GNAO1: variants seen among roughly 807,000 people sequenced by gnomAD.
GNAO1 encodes the protein G protein subunit alpha o1.
For missense variants in GNAO1, 166 were observed against 478.7 expected (o/e 0.35, Z 6.10); for synonymous variants, 164 against 180.7 (o/e 0.91, Z 0.74).
chr16:56,255,038 A>T (rs1168732878), intron 2 of GNAO1, among the ~76,000 whole-genome samples: 2 of 152,304 alleles, frequency 1.3e-5, no homozygotes, highest in East Asian at 3.9e-4. Flanking sequence ...GAGACCTTGG[A>T]ACACTTTTCC....
At chr16:56,259,952 C>T (rs2036887908) in intron 2 of GNAO1, among the ~76,000 whole-genome samples, 1 of 152,208 alleles carries the variant, frequency 6.6e-6, no homozygotes, top group Admixed American at 6.5e-5. Flanking sequence ...AGTCTGAGGG[C>T]TGTCCATAAA....
At chr16:56,228,140 G>A (rs986672903) in intron 2 of GNAO1, among the ~76,000 whole-genome samples, 27 of 152,282 alleles carry the variant, frequency 1.8e-4, no homozygotes, top group Non-Finnish European at 2.6e-4. Context: ...GCACTTTGCA[G>A]AGCCGAAAAG....
At chr16:56,306,970 A>G (rs549644615) in intron 3 of GNAO1, 4 of 152,504 alleles carry the variant, frequency 2.6e-5, no homozygotes, top group African/African-American at 9.6e-5. Flanking sequence ...TGAGGAGATC[A>G]GTGGAGCCGC....
intron 3 of GNAO1, among the ~76,000 whole-genome samples, chr16:56,280,695 T>C (rs1013052726): frequency 3.3e-5 from 5 of 151,452 alleles, no homozygotes; most frequent in African/African-American, 1.2e-4. Flanking sequence ...GGCAGTAGAG[T>C]GATGCGTAGC....
chr16:56,347,632 CT>C (rs11297695), intron 6 of GNAO1: 318,366 of 985,112 alleles, frequency 0.32, 52,676 homozygotes, highest in African/African-American at 0.5. Flanking sequence ...GGGGCTCCCC[CT>C]GGAACAGAAG....
intron 2 of GNAO1, among the ~76,000 whole-genome samples, chr16:56,202,740 G>C (rs534233100): frequency 6.6e-6 from 1 of 152,330 alleles, no homozygotes; most frequent in Admixed American, 6.5e-5. Flanking sequence ...TGTGAAGTGA[G>C]AAGAATTAAA....
At chr16:56,239,024 T>C (rs1234029918) in intron 2 of GNAO1, among the ~76,000 whole-genome samples, 7 of 152,236 alleles carry the variant, frequency 4.6e-5, no homozygotes, top group Non-Finnish European at 8.8e-5. Flanking sequence ...TGCAGACATC[T>C]CTGTAAATCT....
intron 3 of GNAO1, chr16:56,307,785 C>T (rs2037412466): frequency 1.3e-5 from 2 of 152,392 alleles, no homozygotes; most frequent in Admixed American, 6.5e-5. Flanking sequence ...CTCACTCTCT[C>T]TCAGCAGAGG....
chr16:56,258,633 G>A (rs1447069125), intron 2 of GNAO1, among the ~76,000 whole-genome samples: 1 of 152,250 alleles, frequency 6.6e-6, no homozygotes, highest in East Asian at 1.9e-4. Flanking sequence ...CTGTTCCCCA[G>A]CAGCTTCCCT....
chr16:56,217,006 G>C (rs1223923251), intron 2 of GNAO1, among the ~76,000 whole-genome samples: 2 of 152,206 alleles, frequency 1.3e-5, no homozygotes, highest in African/African-American at 4.8e-5. Flanking sequence ...TAATATTGCT[G>C]GGAGCAAGGG....
At chr16:56,345,285 G>T in intron 6 of GNAO1, 8 of 985,482 alleles carry the variant, frequency 8.1e-6, no homozygotes, top group Non-Finnish European at 8.4e-6. Flanking sequence ...TGTGCCTGGG[G>T]ACCTAGATGT....
rs200121980 is a variant in GNAO1, at chr16:56,208,444, TGTGTGC to T, written c.161+15830_161+15835del. On this transcript the variant is annotated intron_variant, in intron 2 of 8. Coordinates refer to ENST00000262493, the MANE Select transcript of GNAO1 (RefSeq NM_020988.3). Reference sequence around the variant, plus strand: ...ATGTGTGTGTGTGTGTGTGTGTGTGTGTGTGCGCGCGCGCGCACGTGTGTGTGTGTG... The same window carrying T: ...ATGTGTGTGTGTGTGTGTGTGTGTGTGCGCGCGCGCACGTGTGTGTGTGTG... Among the ~76,000 whole-genome samples the T allele has an allele frequency of 0.01, 1,103 of 106,852 alleles. 19 individuals are homozygous for T. In the East Asian group the frequency reaches 0.13, roughly 12 times the overall value. The allele number at this position is 106,852 out of a possible 152,430, so 70.1% of individuals were successfully genotyped here.
chr16:56,244,308 G>T (rs1334373760), intron 2 of GNAO1, among the ~76,000 whole-genome samples: 1 of 152,006 alleles, frequency 6.6e-6, no homozygotes, highest in Non-Finnish European at 1.5e-5. Context: ...GGATAAAAGA[G>T]GGCCCCATCC....
intron 3 of GNAO1, among the ~76,000 whole-genome samples, chr16:56,277,436 C>T (rs1596837219): frequency 6.6e-6 from 1 of 152,140 alleles, no homozygotes; most frequent in Admixed American, 6.5e-5. Flanking sequence ...GGAATGAGCA[C>T]AGCAGGGAAT....
rs1426381661 is a variant in GNAO1, at chr16:56,326,432, G to A, written c.304-2199G>A. 6.6e-6 allele frequency among the ~76,000 whole-genome samples: 1 copy of A among 152,250 alleles called. No homozygotes were observed. The highest frequency in any genetic ancestry group is 1.5e-5 in the Non-Finnish European group (1 of 68,040). On this transcript the variant is annotated intron_variant, in intron 3 of 8. Transcript: ENST00000262493. The surrounding 1 kb of genome is among the most constrained non-coding windows in gnomAD (Gnocchi z 4.8). ...TGCTGTCCTCAAGACAGCTTCTAGA[G>A]GTTTAGGTTCCTTTAGAAGCTTATC... is the stretch of plus-strand genomic sequence containing the variant.
At chr16:56,261,373 G>A (rs546337797) in intron 2 of GNAO1, among the ~76,000 whole-genome samples, 107 of 152,342 alleles carry the variant, frequency 7.0e-4, no homozygotes, top group African/African-American at 2.4e-3. Context: ...TCAAAGGCAC[G>A]TGTGCCAAGC....
chr16:56,293,731 T>C (rs970285490), intron 3 of GNAO1, among the ~76,000 whole-genome samples: 1 of 152,210 alleles, frequency 6.6e-6, no homozygotes, highest in Non-Finnish European at 1.5e-5. Flanking sequence ...GAGGCTAATT[T>C]CAGAGCTGTC....
At chr16:56,349,992 G>A (rs748553147) in intron 6 of GNAO1, among the ~76,000 whole-genome samples, 12 of 152,206 alleles carry the variant, frequency 7.9e-5, no homozygotes, top group East Asian at 3.8e-4. Context: ...CTGTGTCACC[G>A]CGGTGTCCCC....
At chr16:56,195,604 C>T (rs1329899978) in intron 2 of GNAO1, among the ~76,000 whole-genome samples, 1 of 152,174 alleles carries the variant, frequency 6.6e-6, no homozygotes, top group Non-Finnish European at 1.5e-5. Flanking sequence ...ACCTATCAGG[C>T]CATATGTACA....
Sources: gnomAD v4.1 joint callset for allele counts (sites outside exome capture counted in the v4.1 genomes callset) on GRCh38, gnomAD v4.1.1 for gene constraint, Gnocchi (gnomAD v3.1) non-coding constraint, MANE v1.5 for transcripts, NCBI Gene and HGNC (gene_info 2026-07-23, HGNC 2026-07-21) for gene names.